Variants in MACF1 observed in about 807,000 individuals in gnomAD.
MACF1 encodes the protein microtubule-actin cross-linking factor 1.
MACF1 carries 193 observed loss-of-function variants against 854.8 expected under a neutral mutation model. The ratio of observed to expected loss-of-function variants is 0.23; its 90% CI spans 0.20 to 0.25. The LOEUF is 0.25. MACF1 is among the 10% of genes least tolerant of loss of function. The pLI is 1.00. For synonymous variants in MACF1, 3,185 were observed against 3,226.7 expected, an observed-to-expected ratio of 0.99 and a Z score of 0.44; for missense variants, 7,722 against 8,929.1, an observed-to-expected ratio of 0.86 and a Z score of 5.45.
At position 39,316,493 on chromosome 1, in the gene MACF1, T is replaced by G. The variant is rs1299008608; in HGVS notation, c.3552T>G (p.Asp1184Glu). The G allele has an allele frequency of 6.2e-7, 1 of 1,613,708 alleles. No individual in the cohort carries two copies. The highest frequency in any genetic ancestry group is 8.5e-7 in the Non-Finnish European group (1 of 1,179,830). ...KLSQEEVVLA[D>E]LSALEAHWST... is the part of the protein sequence containing the mutation. ...GTCAAGAAGAAGTAGTACTGGCAGATCTCTCAGCTCTGGAGGCCCATTGGT... is the reference window on the plus strand; with the variant it reads ...GTCAAGAAGAAGTAGTACTGGCAGAGCTCTCAGCTCTGGAGGCCCATTGGT... Residue 1184 changes from aspartate (D) to glutamate (E), a missense_variant, in exon 28 of 101, where the codon GAT becomes GAG. Physicochemically the swap from Asp to Glu is conservative, Grantham distance 45. Transcript: ENST00000564288.
At chr1:39,359,693 G>C (rs923726743) in intron 47 of MACF1, among the ~76,000 whole-genome samples, 1 of 151,816 alleles carries the variant, frequency 6.6e-6, no homozygotes, top group Non-Finnish European at 1.5e-5. Flanking sequence ...TATACAGGCC[G>C]GGCGTGGTGG....
chr1:39,106,856 G>A (rs972525283), intron 2 of MACF1, among the ~76,000 whole-genome samples: 5 of 146,556 alleles, frequency 3.4e-5, no homozygotes, highest in African/African-American at 1.3e-4. Context: ...AATGCAGCAG[G>A]AAAAAAGTAG....
chr1:39,350,950 G>A lies in MACF1; in HGVS notation c.11131G>A (p.Glu3711Lys). 1.9e-6 allele frequency: 3 copies of A among 1,614,180 alleles called. No individual in the cohort carries two copies. Among genetic ancestry groups the A allele is most frequent in the Non-Finnish European group, 8.5e-7 (1 of 1,180,010 alleles). Reference sequence around the variant, plus strand: ...GGAGCAATATGAGGCGCTCCAGGAAGAGACACGTGTGGCCCAGAAGGAACT... The same window carrying A: ...GGAGCAATATGAGGCGCTCCAGGAAAAGACACGTGTGGCCCAGAAGGAACT... The part of the protein sequence containing the change: ...AKEQYEALQE[E>K]TRVAQKELEE... Residue 3711 changes from glutamate to lysine, a missense_variant, in exon 43 of 101, where the codon GAG (glutamate) becomes AAG (lysine). Transcript: ENST00000564288.
intron 35 of MACF1, among the ~76,000 whole-genome samples, chr1:39,324,983 A>AGAAT (rs1449685122): frequency 1.3e-5 from 2 of 152,232 alleles, no homozygotes; most frequent in African/African-American, 2.4e-5. Flanking sequence ...ACATGTGGTG[A>AGAAT]GAATAGAGGC....
chr1:39,345,556 A>G (rs1479376489), intron 40 of MACF1, among the ~76,000 whole-genome samples: 1 of 152,196 alleles, frequency 6.6e-6, no homozygotes, highest in Non-Finnish European at 1.5e-5. Context: ...GGCTGCATTG[A>G]GTTTTGTATG....
chr1:39,237,832 C>T (rs2148316967), intron 2 of MACF1, among the ~76,000 whole-genome samples: 1 of 151,898 alleles, frequency 6.6e-6, no homozygotes, highest in African/African-American at 2.4e-5. Context: ...CAGTTTTTTC[C>T]CCATTATTTC....
At position 39,311,019 on chromosome 1, in the gene MACF1, G is replaced by GT. The variant is rs752610437; in HGVS notation, c.3270+20dup. On this transcript the variant is annotated intron_variant, in intron 26 of 100. Coordinates refer to ENST00000564288, the MANE Select transcript of MACF1 (RefSeq NM_001394062.1). ...GCAAGAGGTAAGCCCTAAGAGCCAT[G>GT]TGGATGCTGGTTGTGGAGTGAATGC... The GT allele has an allele frequency of 1.9e-6, 3 of 1,603,066 alleles. No individual in the cohort carries two copies. The highest frequency in any genetic ancestry group is 2.6e-6 in the Non-Finnish European group (3 of 1,175,066).
rs1461432648 is a variant in MACF1, at chr1:39,428,074, G to T, written c.16590G>T (p.Lys5530Asn). 2 of 1,614,124 alleles carry T rather than the reference G, an allele frequency of 1.2e-6. No individual in the cohort carries two copies. Among genetic ancestry groups the T allele is most frequent in the Admixed American group, 3.3e-5 (2 of 60,004 alleles). ...CAGAACAGGGTGTGCTGTCAGAAAA[G>T]ATAGACTCATTGCAGGCCCGATACA... ...SPAEQGVLSE[K>N]IDSLQARYSE... Residue 5530 changes from lysine (K) to asparagine (N), a missense_variant, in exon 63 of 101, where the codon AAG becomes AAT. Physicochemically the swap from Lys to Asn is moderately conservative, Grantham distance 94. Around this residue, in one of 15 missense-constraint regions of MACF1, gnomAD observed 2,807 missense variants for 3,235.8 expected, o/e 0.87. Coordinates refer to ENST00000564288, the MANE Select transcript of MACF1 (RefSeq NM_001394062.1).
At chr1:39,229,644 G>A (rs1360774372) in intron 1 of MACF1, among the ~76,000 whole-genome samples, 2 of 152,196 alleles carry the variant, frequency 1.3e-5, no homozygotes, top group South Asian at 2.1e-4. Flanking sequence ...TGTAGTAGTA[G>A]GCAGTTAGGC....
In MACF1 at chr1:39,340,661, A is replaced by T; in HGVS notation, c.10375A>T (p.Ser3459Cys). 1 of 1,614,204 alleles carries T rather than the reference A, an allele frequency of 6.2e-7. No individual in the cohort carries two copies. The highest frequency in any genetic ancestry group is 8.5e-7 in the Non-Finnish European group (1 of 1,180,026). ...KNLQKSLSSV[S>C]DTWNSRLLHF... The stretch of plus-strand genomic sequence containing the variant: ...TCTTCAGAAGTCTCTCAGCTCTGTG[A>T]GTGACACTTGGAATTCCAGGCTACT... The change falls in exon 39 of 101, where the codon AGT becomes TGT. Residue 3459 changes from serine (S) to cysteine (C), a missense_variant. Coordinates refer to ENST00000564288, the MANE Select transcript of MACF1 (RefSeq NM_001394062.1).
At chr1:39,453,662 A>G (rs1644382008) in intron 87 of MACF1, 45 bp from the exon 88 acceptor site, 2 of 1,566,200 alleles carry the variant, frequency 1.3e-6, no homozygotes, top group Non-Finnish European at 1.8e-6. Flanking sequence ...CAGTGCTGCT[A>G]ATGTAGACTT....
intron 58 of MACF1, among the ~76,000 whole-genome samples, chr1:39,408,966 T>C (rs1489751877): frequency 6.9e-6 from 1 of 144,558 alleles, no homozygotes; most frequent in African/African-American, 2.5e-5. Flanking sequence ...CTCGTCCTCC[T>C]TCCTGTGCTC....
At chr1:39,320,583 A>G (rs188865620) in intron 31 of MACF1, among the ~76,000 whole-genome samples, 104 of 152,322 alleles carry the variant, frequency 6.8e-4, no homozygotes, top group Non-Finnish European at 1.3e-3. Context: ...GCTTCATATC[A>G]TAGTCGTAAT....
At chr1:39,092,832 A>G (rs1177129329) in intron 2 of MACF1, among the ~76,000 whole-genome samples, 2 of 151,240 alleles carry the variant, frequency 1.3e-5, no homozygotes, top group African/African-American at 4.9e-5. Context: ...TGCCCAGGCT[A>G]GAGTGCTGTG....
At position 39,333,161 on chromosome 1, in the gene MACF1, C is replaced by T. The variant is rs978528061; in HGVS notation, c.6573C>T (p.His2191=). The T allele has an allele frequency of 5.0e-6, 8 of 1,613,528 alleles. No individual in the cohort carries two copies. The highest frequency in any genetic ancestry group is 5.9e-6 in the Non-Finnish European group (7 of 1,179,986). The change falls in exon 37 of 101, where the codon CAC becomes CAT. Residue 2191 remains histidine (H), a synonymous_variant. Coordinates refer to ENST00000564288, the MANE Select transcript of MACF1 (RefSeq NM_001394062.1). ...EYIHDETGGS[H]IKPQSKKLQV... is the part of the protein sequence containing the mutation. ...TTCATGATGAAACTGGAGGATCTCA[C>T]ATAAAACCCCAAAGCAAAAAGTTAC...
In MACF1 at chr1:39,153,499, C is replaced by T. The variant is rs1016036704; in HGVS notation, c.220+69061C>T. Reference sequence around the variant, plus strand: ...CCACAGCCAAAAAGAAAAGGCTCAACGAGAGTGAGCTTATTCGAGGGTCTG... The same window carrying T: ...CCACAGCCAAAAAGAAAAGGCTCAATGAGAGTGAGCTTATTCGAGGGTCTG... On this transcript the variant is annotated intron_variant, in intron 2 of 93. Coordinates refer to the MACF1 transcript ENST00000361689. Among the ~76,000 whole-genome samples, 6 of 152,116 alleles carry T rather than the reference C, an allele frequency of 3.9e-5. No individual in the cohort carries two copies. The East Asian group carries it at 5.8e-4, about 15-fold the overall frequency.
intron 1 of MACF1, chr1:39,206,465 C>G (rs540067012): frequency 3.3e-5 from 5 of 152,230 alleles, no homozygotes; most frequent in South Asian, 2.1e-4. Flanking sequence ...CATTAAATAA[C>G]TAATTAGTTG....
intron 58 of MACF1, among the ~76,000 whole-genome samples, chr1:39,392,924 GCT>G (rs1445954024): frequency 6.6e-6 from 1 of 151,968 alleles, no homozygotes; most frequent in African/African-American, 2.4e-5. Context: ...ACCAGGTTCA[GCT>G]CTCTGTTGGA....
intron 36 of MACF1, 137 bp downstream of exon 36, chr1:39,327,490 A>G (rs914654082): frequency 3.3e-6 from 3 of 919,314 alleles, no homozygotes; most frequent in East Asian, 2.7e-5. Context: ...CTTAGCAGCC[A>G]TTTGTCTTGT....
Sources: gnomAD v4.1 joint callset for allele counts (sites outside exome capture counted in the v4.1 genomes callset) on GRCh38, gnomAD v4.1.1 for gene constraint, gnomAD v4.1.1 regional missense constraint, MANE v1.5 for transcripts, NCBI Gene and HGNC (gene_info 2026-07-23, HGNC 2026-07-21) for gene names.